The following IMMP2L variants were observed in gnomAD, a reference collection of about 807,000 sequenced individuals.
The protein encoded by IMMP2L is mitochondrial inner membrane protease subunit 2.
A neutral mutation model predicts 19.3 loss-of-function variants in IMMP2L; 18 were observed. That is an observed-to-expected ratio of 0.93 (90% CI 0.64 to 1.38). The LOEUF (loss-of-function observed/expected upper bound fraction) is 1.38, where lower values mean the gene tolerates loss of function less well. IMMP2L is among the 40% of genes most tolerant of loss of function. The pLI is 0.00. For missense variants in IMMP2L, 233 were observed against 218.2 expected (o/e 1.07, Z -0.43); for synonymous variants, 76 against 73.0 (o/e 1.04, Z -0.21).
chr7:111,132,830 A>C lies in IMMP2L; in HGVS notation c.240-169265T>G, dbSNP rs374964579. ...GGTGATCATCTATATGTCTGAGTGA[A>C]AGAAAGAAGGTGGTTCTTTAAAAGA... On this transcript the variant is annotated intron_variant, in intron 3 of 5. Transcript: ENST00000405709. Among the ~76,000 whole-genome samples, 44 of 152,144 alleles carry C rather than the reference A, an allele frequency of 2.9e-4. 1 individual carries two copies. The highest frequency in any genetic ancestry group is 1.2e-3 in the East Asian group (6 of 5,180).
At chr7:110,818,109 A>G (rs377176539) in intron 5 of IMMP2L, among the ~76,000 whole-genome samples, 3 of 152,200 alleles carry the variant, frequency 2.0e-5, no homozygotes, top group South Asian at 2.1e-4. Context: ...CAAAATTGAC[A>G]AATGGGATCT....
At chr7:111,014,491 A>AT (rs1303893739) in intron 3 of IMMP2L, among the ~76,000 whole-genome samples, 8 of 152,156 alleles carry the variant, frequency 5.3e-5, no homozygotes, top group African/African-American at 1.9e-4. Context: ...CTCTGTTTTT[A>AT]TCATAAGTTG....
At chr7:111,510,478 C>A (rs562012388) in intron 2 of IMMP2L, among the ~76,000 whole-genome samples, 16 of 152,072 alleles carry the variant, frequency 1.1e-4, no homozygotes, top group South Asian at 4.2e-4. Flanking sequence ...AAAAAACATT[C>A]CTAGCTGGGG....
At chr7:111,147,644 C>T (rs1211526628) in intron 3 of IMMP2L, among the ~76,000 whole-genome samples, 1 of 152,082 alleles carries the variant, frequency 6.6e-6, no homozygotes, top group Non-Finnish European at 1.5e-5. Flanking sequence ...CTCTGCTTCA[C>T]TCTGGGCCTG....
intron 3 of IMMP2L, among the ~76,000 whole-genome samples, chr7:111,089,851 A>G (rs1796668886): frequency 6.6e-6 from 1 of 151,950 alleles, no homozygotes; most frequent in African/African-American, 2.4e-5. Context: ...AGACAAGCCT[A>G]CTGTTTAAAA....
chr7:110,714,595 T>G (rs1795115043), intron 5 of IMMP2L, among the ~76,000 whole-genome samples: 1 of 152,044 alleles, frequency 6.6e-6, no homozygotes, highest in Non-Finnish European at 1.5e-5. Context: ...TTTGTTTGTT[T>G]GTTTGTTTGC....
At chr7:111,263,925 C>A (rs1325027544) in intron 3 of IMMP2L, among the ~76,000 whole-genome samples, 1 of 152,132 alleles carries the variant, frequency 6.6e-6, no homozygotes, top group Non-Finnish European at 1.5e-5. Flanking sequence ...TTGCAACATG[C>A]AGGTTGCTGG....
At chr7:110,714,585 T>C (rs1795113682) in intron 5 of IMMP2L, among the ~76,000 whole-genome samples, 1 of 151,964 alleles carries the variant, frequency 6.6e-6, no homozygotes, top group Non-Finnish European at 1.5e-5. Context: ...GGTACAGAGC[T>C]TTGTTTGTTT....
At chr7:111,281,180 AAG>A (rs1310972021) in intron 3 of IMMP2L, among the ~76,000 whole-genome samples, 827 of 58,484 alleles carry the variant, frequency 0.014, 25 homozygotes, top group African/African-American at 0.032. Flanking sequence ...GAAAGAAAGA[AAG>A]AAAGAAAGAA....
At chr7:111,353,666 C>T (rs749152546) in intron 3 of IMMP2L, among the ~76,000 whole-genome samples, 5 of 151,984 alleles carry the variant, frequency 3.3e-5, no homozygotes, top group African/African-American at 7.2e-5. Context: ...AATAAGGTTC[C>T]GTCCAGTTCA....
chr7:111,393,579 A>T (rs1832594426), intron 3 of IMMP2L, among the ~76,000 whole-genome samples: 1 of 152,120 alleles, frequency 6.6e-6, no homozygotes, highest in Non-Finnish European at 1.5e-5. Flanking sequence ...CTTGCTCCTG[A>T]CATTTTACGT....
intron 2 of IMMP2L, among the ~76,000 whole-genome samples, chr7:111,503,840 T>A (rs1018953288): frequency 7.2e-5 from 11 of 152,248 alleles, no homozygotes; most frequent in African/African-American, 2.4e-4. Flanking sequence ...AAGAGCTATC[T>A]ATGACAAACC....
intron 3 of IMMP2L, among the ~76,000 whole-genome samples, chr7:111,454,288 C>T (rs952004634): frequency 6.6e-5 from 10 of 152,120 alleles, no homozygotes; most frequent in Admixed American, 5.9e-4. Flanking sequence ...CAGGCCACCA[C>T]ACGTGGCTCA....
chr7:111,163,607 A>G (rs1026015604), intron 3 of IMMP2L, among the ~76,000 whole-genome samples: 2 of 152,026 alleles, frequency 1.3e-5, no homozygotes, highest in African/African-American at 4.8e-5. Flanking sequence ...GTGGATTGGT[A>G]TCAGTTGGAA....
chr7:111,233,150 C>T (rs569087994), intron 3 of IMMP2L, among the ~76,000 whole-genome samples: 1 of 152,206 alleles, frequency 6.6e-6, no homozygotes, highest in South Asian at 2.1e-4. Flanking sequence ...ATCCAATGAA[C>T]GTAGATTACA....
intron 5 of IMMP2L, among the ~76,000 whole-genome samples, chr7:110,880,259 G>A (rs1253401048): frequency 1.3e-5 from 2 of 151,940 alleles, no homozygotes; most frequent in African/African-American, 4.8e-5. Flanking sequence ...ATGCAAAAAA[G>A]ATCACCCACG....
chr7:110,830,503 T>A (rs1000344433), intron 5 of IMMP2L, among the ~76,000 whole-genome samples: 5 of 152,194 alleles, frequency 3.3e-5, no homozygotes, highest in African/African-American at 1.2e-4. Flanking sequence ...CACAACCCTG[T>A]ACTGTAACTA....
At chr7:110,999,149 T>C (rs772214691) in intron 3 of IMMP2L, among the ~76,000 whole-genome samples, 11 of 152,136 alleles carry the variant, frequency 7.2e-5, no homozygotes, top group Non-Finnish European at 1.6e-4. Context: ...ATTTTTTTCT[T>C]CTCTTGAAGC....
intron 3 of IMMP2L, among the ~76,000 whole-genome samples, chr7:111,406,668 T>C (rs1206354733): frequency 1.3e-5 from 2 of 152,096 alleles, no homozygotes; most frequent in Non-Finnish European, 2.9e-5. Context: ...TAATTCCTCA[T>C]TTTATTCAGG....
Sources: gnomAD v4.1 joint callset for allele counts (sites outside exome capture counted in the v4.1 genomes callset) on GRCh38, gnomAD v4.1.1 for gene constraint, MANE v1.5 for transcripts, NCBI Gene and HGNC (gene_info 2026-07-23, HGNC 2026-07-21) for gene names.